The following DNAH6 variants were observed in gnomAD, a reference collection of about 807,000 sequenced individuals.
DNAH6 encodes the protein axonemal beta dynein heavy chain 6.
A neutral mutation model predicts 491.4 loss-of-function variants in DNAH6; 340 were observed. The observed-to-expected ratio is 0.69, with a 90% confidence interval of 0.63 to 0.76. The LOEUF (loss-of-function observed/expected upper bound fraction) is 0.76, where lower values mean the gene tolerates loss of function less well. Ranked by LOEUF, DNAH6 falls within the 30% of genes least tolerant of loss-of-function variation. The pLI is 0.00. For synonymous variants in DNAH6, 1,603 were observed against 1,686.1 expected (o/e 0.95, Z 1.21); for missense variants, 4,443 against 4,972.2 (o/e 0.89, Z 3.20).
In DNAH6 at chr2:84,812,659, G is replaced by A; in HGVS notation, c.11925+133G>A. 3 of 779,662 alleles carry A rather than the reference G, an allele frequency of 3.8e-6. No homozygotes were observed. The South Asian group carries it at 5.6e-5, about 15-fold the overall frequency. 48.3% of individuals were successfully genotyped at this position (779,662 alleles called of 1,614,324 possible). ...GAGCCCAGAGAAAAAGAGATGTCCA[G>A]AATGGCATCACTTTAAAAGTCTTAT... On this transcript the variant is annotated intron_variant, in intron 73 of 76. Transcript: ENST00000389394.
At chr2:84,604,204 C>G in intron 18 of DNAH6, 135 bp from the exon 19 acceptor site, 3 of 676,432 alleles carry the variant, frequency 4.4e-6, no homozygotes, top group Non-Finnish European at 7.4e-6. Flanking sequence ...TTGCAGTCAT[C>G]CAGATTTTGC....
At chr2:84,527,695 G>A (rs73945105) in intron 3 of DNAH6, among the ~76,000 whole-genome samples, 1,823 of 152,192 alleles carry the variant, frequency 0.012, 38 homozygotes, top group African/African-American at 0.042. Context: ...TACCTTTTAC[G>A]TTCAAAGATG....
chr2:84,799,783 A>T (rs891790108), intron 70 of DNAH6, among the ~76,000 whole-genome samples: 5 of 152,226 alleles, frequency 3.3e-5, no homozygotes. Flanking sequence ...GATGCCAGCC[A>T]CTAAAAGAGA....
chr2:84,816,159 A>T (rs1680467911), intron 76 of DNAH6, 76 bp downstream of exon 76: 1 of 1,218,986 alleles, frequency 8.2e-7, no homozygotes, highest in Non-Finnish European at 1.1e-6. Context: ...CTAAGCTGTG[A>T]TTGGCTCAAG....
chr2:84,807,374 C>T (rs533439720), intron 71 of DNAH6, among the ~76,000 whole-genome samples: 2 of 152,314 alleles, frequency 1.3e-5, no homozygotes, highest in Admixed American at 1.3e-4. Context: ...CTTCCTCTTT[C>T]GTAGCTCATA....
the DNAH6 span, among the ~76,000 whole-genome samples, chr2:84,470,936 G>A: frequency 2.0e-5 from 3 of 152,186 alleles, no homozygotes; most frequent in Non-Finnish European, 2.9e-5. Context: ...ATCCAACAAA[G>A]AAACAGCTGA....
chr2:84,683,558 GATTA>G (rs1453114670), intron 42 of DNAH6, among the ~76,000 whole-genome samples: 1 of 151,524 alleles, frequency 6.6e-6, no homozygotes, highest in Non-Finnish European at 1.5e-5. Flanking sequence ...AAAAAGCTTG[GATTA>G]CAGGTGCACA....
chr2:84,512,754 A>T (rs536282926), upstream of DNAH6, among the ~76,000 whole-genome samples: 3 of 152,184 alleles, frequency 2.0e-5, no homozygotes, highest in South Asian at 6.2e-4. Context: ...TTTATCTCTC[A>T]TCACAATTTT....
chr2:84,605,108 G>A (rs111844453), intron 19 of DNAH6, among the ~76,000 whole-genome samples: 1 of 151,976 alleles, frequency 6.6e-6, no homozygotes, highest in African/African-American at 2.4e-5. Flanking sequence ...AGCACTTTGG[G>A]AGGCCAAGGC....
Position 84,781,663 on chromosome 2 carries a change from G to A in DNAH6, c.10864+10G>A. The stretch of plus-strand genomic sequence containing the variant: ...ACCTTCACAGATCCAGGTATGTTGA[G>A]CATATAGCCCTTGCATAATAATCAC... On this transcript the variant is annotated intron_variant, in intron 65 of 76. Transcript: ENST00000389394. 6.5e-7 allele frequency: 1 copy of A among 1,539,164 alleles called. No homozygotes were observed. Among genetic ancestry groups the A allele is most frequent in the South Asian group, 1.2e-5 (1 of 83,116 alleles).
At chr2:84,654,542 C>G (rs1690765699) in intron 34 of DNAH6, 118 bp from the exon 35 acceptor site, 1 of 1,277,670 alleles carries the variant, frequency 7.8e-7, no homozygotes, top group Non-Finnish European at 1.1e-6. Context: ...CCACATGAAG[C>G]CCTTCAGTGT....
At chr2:84,623,040 C>T (rs368646600) in intron 26 of DNAH6, among the ~76,000 whole-genome samples, 45 of 152,100 alleles carry the variant, frequency 3.0e-4, no homozygotes, top group African/African-American at 1.0e-3. Flanking sequence ...GGTTTTTGCT[C>T]ATAAGTTGTA....
At chr2:84,504,015 C>T in the DNAH6 span, among the ~76,000 whole-genome samples, 3 of 152,044 alleles carry the variant, frequency 2.0e-5, no homozygotes, top group Non-Finnish European at 4.4e-5. Flanking sequence ...TCTCCACATC[C>T]TCTTTTAGGC....
intron 33 of DNAH6, 133 bp from the exon 34 acceptor site, chr2:84,653,186 C>A: frequency 1.3e-6 from 1 of 794,696 alleles, no homozygotes; most frequent in Non-Finnish European, 1.9e-6. Context: ...ATAGGACAAA[C>A]TAATACTGTA....
At chr2:84,666,440 C>G (rs887800178) in intron 37 of DNAH6, among the ~76,000 whole-genome samples, 1 of 152,156 alleles carries the variant, frequency 6.6e-6, no homozygotes, top group Non-Finnish European at 1.5e-5. Context: ...AAATCACAAG[C>G]ATTCCTATAC....
intron 70 of DNAH6, among the ~76,000 whole-genome samples, chr2:84,800,841 C>T (rs964009505): frequency 6.6e-6 from 1 of 151,822 alleles, no homozygotes; most frequent in African/African-American, 2.4e-5. Context: ...GACTTGGAAC[C>T]AACCCAAATG....
chr2:84,525,414 G>A, intron 2 of DNAH6, 151 bp from the exon 3 acceptor site: 1 of 682,172 alleles, frequency 1.5e-6, no homozygotes, highest in Non-Finnish European at 2.4e-6. Context: ...ACAGGCAATG[G>A]TGGTAGTTAA....
At chr2:84,729,754 A>G (rs1161348324) in intron 61 of DNAH6, among the ~76,000 whole-genome samples, 2 of 152,204 alleles carry the variant, frequency 1.3e-5, no homozygotes, top group Non-Finnish European at 2.9e-5. Context: ...AATTGGAATG[A>G]TTCTTGACTA....
intron 73 of DNAH6, 151 bp from the exon 74 acceptor site, chr2:84,812,907 G>T: frequency 1.5e-6 from 1 of 654,334 alleles, no homozygotes; most frequent in Non-Finnish European, 2.7e-6. Flanking sequence ...ACAGGAAGGG[G>T]AATGCGGCAG....
Sources: allele counts gnomAD v4.1 joint callset (sites outside exome capture counted in the v4.1 genomes callset), GRCh38; gene constraint gnomAD v4.1.1; transcripts MANE v1.5; gene names NCBI Gene and HGNC (gene_info 2026-07-23, HGNC 2026-07-21).